LAMA2: variants seen among roughly 807,000 people sequenced by gnomAD.
LAMA2 encodes the protein laminin subunit alpha-2.
LAMA2 carries 269 observed loss-of-function variants against 364.8 expected under a neutral mutation model. The ratio of observed to expected loss-of-function variants is 0.74; its 90% CI spans 0.67 to 0.82. The LOEUF (loss-of-function observed/expected upper bound fraction) is 0.82, where lower values mean the gene tolerates loss of function less well. Among genes scored for constraint, LAMA2 ranks in the 40% least tolerant of loss-of-function variants. The pLI is 0.00. For missense variants in LAMA2, 3,807 were observed against 3,873.2 expected (o/e 0.98, Z 0.45); for synonymous variants, 1,379 against 1,370.6 (o/e 1.01, Z -0.14).
chr6:129,284,291 GACTA>G (rs1562414147), intron 18 of LAMA2, among the ~76,000 whole-genome samples: 2 of 151,982 alleles, frequency 1.3e-5, no homozygotes, highest in Non-Finnish European at 2.9e-5. Flanking sequence ...CTCCATCCGA[GACTA>G]ACTAATCCCT....
In LAMA2 at chr6:129,250,179, C is replaced by T. The variant is rs771845417; in HGVS notation, c.1850C>T (p.Thr617Ile). Reference sequence around the variant, plus strand: ...GACCTTGAAGAAGAGGAAGAAGATACAGAACGTGTTCTCCAGCTTATGATT... The same window carrying T: ...GACCTTGAAGAAGAGGAAGAAGATATAGAACGTGTTCTCCAGCTTATGATT... ...SYDLEEEEED[T>I]ERVLQLMIIL... Residue 617 changes from threonine (T) to isoleucine (I), a missense_variant, in exon 13 of 65, where the codon ACA (threonine) becomes ATA (isoleucine). This residue lies in a region of LAMA2 where 3,333 missense variants were observed against 3,345.7 expected (regional missense o/e 1.00). Transcript: ENST00000421865. 1.2e-6 allele frequency: 2 copies of T among 1,605,312 alleles called. No homozygotes were observed.
intron 1 of LAMA2, among the ~76,000 whole-genome samples, chr6:128,910,456 C>T (rs1191718819): frequency 1.3e-5 from 2 of 152,178 alleles, no homozygotes; most frequent in Middle Eastern, 3.4e-3. Flanking sequence ...GCATTCTTCA[C>T]GTAGTTCTCG....
intron 9 of LAMA2, among the ~76,000 whole-genome samples, chr6:129,176,348 C>T (rs1331024247): frequency 6.6e-6 from 1 of 151,726 alleles, no homozygotes; most frequent in Non-Finnish European, 1.5e-5. Context: ...GAAAATAAGC[C>T]TTAGATAATT....
chr6:129,174,974 C>T (rs1032002470), intron 9 of LAMA2, among the ~76,000 whole-genome samples: 7 of 152,146 alleles, frequency 4.6e-5, no homozygotes, highest in Admixed American at 1.3e-4. Context: ...TTGTTTAATA[C>T]ATGAAGTACT....
intron 3 of LAMA2, among the ~76,000 whole-genome samples, chr6:129,068,576 A>G (rs912235953): frequency 1.3e-5 from 2 of 152,228 alleles, no homozygotes; most frequent in African/African-American, 2.4e-5. Context: ...TACCTCCCCA[A>G]TCCCCATCAC....
At chr6:129,216,960 G>T (rs1156516365) in intron 12 of LAMA2, among the ~76,000 whole-genome samples, 3 of 152,164 alleles carry the variant, frequency 2.0e-5, no homozygotes, top group African/African-American at 4.8e-5. Flanking sequence ...GGAGGCTGAG[G>T]CGGGTGGATC....
chr6:129,223,556 C>T (rs575299204), intron 12 of LAMA2, among the ~76,000 whole-genome samples: 2,580 of 152,282 alleles, frequency 0.017, 81 homozygotes, highest in African/African-American at 0.06. Flanking sequence ...CAGCTTTCTA[C>T]ATATGGCTAG....
rs769665275 is a variant in LAMA2, at chr6:129,328,330, C to T, written c.4229C>T (p.Pro1410Leu). The change falls in exon 29 of 65, where the codon CCT (proline) becomes CTT (leucine). Residue 1410 changes from proline to leucine, a missense_variant. Transcript: ENST00000421865. Reference sequence around the variant, plus strand: ...CGTTCTCAACCAGGTGGCCGCACCCCTGGACCAACCCTGGGCACCTGTGTT... The same window carrying T: ...CGTTCTCAACCAGGTGGCCGCACCCTTGGACCAACCCTGGGCACCTGTGTT... ...RLRSQPGGRT[P>L]GPTLGTCVPC... The T allele has an allele frequency of 1.4e-5, 22 of 1,614,198 alleles. No homozygotes were observed. Among genetic ancestry groups the T allele is most frequent in the Non-Finnish European group, 1.6e-5 (19 of 1,180,026 alleles).
At chr6:129,341,538 A>G (rs769047687) in intron 29 of LAMA2, among the ~76,000 whole-genome samples, 3 of 152,132 alleles carry the variant, frequency 2.0e-5, no homozygotes, top group Non-Finnish European at 4.4e-5. Flanking sequence ...ATTTTTTGTC[A>G]GGTGGTTTTT....
At chr6:129,138,674 A>T (rs1777942023) in intron 4 of LAMA2, among the ~76,000 whole-genome samples, 1 of 152,164 alleles carries the variant, frequency 6.6e-6, no homozygotes, top group African/African-American at 2.4e-5. Flanking sequence ...TGATTTGAAT[A>T]AGATTCTTTA....
chr6:129,024,203 G>A (rs1333953136), intron 1 of LAMA2, among the ~76,000 whole-genome samples: 3 of 151,710 alleles, frequency 2.0e-5, no homozygotes, highest in Non-Finnish European at 2.9e-5. Context: ...GGATCTTATC[G>A]AGTATTGTGT....
chr6:128,962,488 T>C (rs1207726936), intron 1 of LAMA2, among the ~76,000 whole-genome samples: 2 of 152,036 alleles, frequency 1.3e-5, no homozygotes, highest in Non-Finnish European at 2.9e-5. Context: ...TGCATGACTA[T>C]TGTGAGGAGG....
chr6:129,132,448 G>A (rs1368031752), intron 4 of LAMA2, among the ~76,000 whole-genome samples: 2 of 152,098 alleles, frequency 1.3e-5, no homozygotes, highest in African/African-American at 2.4e-5. Context: ...TTACAGGCGT[G>A]AGCCACCGCA....
At chr6:129,349,265 A>G in intron 30 of LAMA2, 33 bp from the exon 31 acceptor site, 1 of 1,556,268 alleles carries the variant, frequency 6.4e-7, no homozygotes, top group Non-Finnish European at 8.9e-7. Flanking sequence ...AATGGATTAA[A>G]CTTTTTTTGC....
At chr6:128,989,468 T>C (rs1175093671) in intron 1 of LAMA2, among the ~76,000 whole-genome samples, 2 of 152,224 alleles carry the variant, frequency 1.3e-5, no homozygotes, top group Non-Finnish European at 2.9e-5. Flanking sequence ...ATTCTTGATG[T>C]ACATTTTCTA....
rs1785751089 is a variant in LAMA2 at position 129,502,788 on chromosome 6, G to C, written c.8357+17G>C. ...TAAAAACCGGTATGTATCATCCTGA[G>C]ACACTGGGAAAGAACCGATAAATGA... is the stretch of plus-strand genomic sequence containing the variant. On this transcript the variant is annotated intron_variant, in intron 59 of 64. Transcript: ENST00000421865. The C allele has an allele frequency of 6.7e-7, 1 of 1,486,734 alleles. No homozygotes were observed. The highest frequency in any genetic ancestry group is 1.1e-5 in the South Asian group (1 of 88,552). 92.1% of individuals were successfully genotyped at this position (1,486,734 alleles called of 1,614,324 possible).
Position 129,254,518 on chromosome 6 carries a change from A to G in LAMA2, c.2096+2223A>G, listed in dbSNP as rs1442577675. On this transcript the variant is annotated intron_variant, in intron 14 of 64. Transcript: ENST00000421865. ...CAGCACACAAATATGAAGCATTTCT[A>G]TCTTATCTACTTCATCCCAAAGGAT... Among the ~76,000 whole-genome samples, 5 of 152,316 alleles carry G rather than the reference A, an allele frequency of 3.3e-5. No individual in the cohort carries two copies. The South Asian group carries it at 8.3e-4, about 25-fold the overall frequency.
intron 1 of LAMA2, among the ~76,000 whole-genome samples, chr6:128,953,664 G>A (rs111277037): frequency 1.3e-5 from 2 of 151,666 alleles, no homozygotes; most frequent in Non-Finnish European, 2.9e-5. Flanking sequence ...GTTTGTGTGA[G>A]AGGCAAAGAG....
rs780686763 is a variant in LAMA2 at position 129,393,157 on chromosome 6, G to A, written c.5347G>A (p.Val1783Ile). ...REKLADYKNK[V>I]DDAWDLLREA... ...AAAACTGGCTGACTACAAAAACAAA[G>A]TTGATGATGCTTGGGACCTTTTGAG... is the stretch of plus-strand genomic sequence containing the variant. Residue 1783 changes from valine (V) to isoleucine (I), a missense_variant, in exon 37 of 65, where the codon GTT (valine) becomes ATT (isoleucine). Transcript: ENST00000421865. 1.2e-6 allele frequency: 2 copies of A among 1,614,088 alleles called. No individual in the cohort carries two copies. Among genetic ancestry groups the A allele is most frequent in the Non-Finnish European group, 1.7e-6 (2 of 1,179,948 alleles).
Sources: gnomAD v4.1 joint callset for allele counts (sites outside exome capture counted in the v4.1 genomes callset) on GRCh38, gnomAD v4.1.1 for gene constraint, gnomAD v4.1.1 regional missense constraint, MANE v1.5 for transcripts, NCBI Gene and HGNC (gene_info 2026-07-23, HGNC 2026-07-21) for gene names.